Variants in PAG1 observed in about 807,000 individuals in gnomAD.
PAG1 encodes the protein phosphoprotein associated with glycosphingolipid-enriched microdomains 1.
In PAG1, 23 loss-of-function variants were observed where a neutral mutation model predicts 31.7. The ratio of observed to expected loss-of-function variants is 0.73; its 90% CI spans 0.52 to 1.03. The LOEUF (loss-of-function observed/expected upper bound fraction) is 1.03. PAG1 is among the 50% of genes least tolerant of loss of function. The probability of loss-of-function intolerance (pLI) is 0.00; values close to 1 mark genes in which losing one functional copy is unlikely to be tolerated. For missense variants in PAG1, 473 were observed against 540.7 expected (o/e 0.87, Z 1.24); for synonymous variants, 214 against 210.3 (o/e 1.02, Z -0.15).
At chr8:81,093,957 T>C (rs1809487408) in intron 1 of PAG1, among the ~76,000 whole-genome samples, 1 of 152,126 alleles carries the variant, frequency 6.6e-6, no homozygotes, top group African/African-American at 2.4e-5. Flanking sequence ...CATCACTTCC[T>C]GGCATCTCAT....
At chr8:81,046,900 T>A (rs1808651472) in intron 2 of PAG1, among the ~76,000 whole-genome samples, 1 of 152,172 alleles carries the variant, frequency 6.6e-6, no homozygotes. Flanking sequence ...TGTATCCATG[T>A]GTTCTTATTA....
At chr8:81,028,911 G>A (rs1808330496) in intron 3 of PAG1, among the ~76,000 whole-genome samples, 1 of 152,208 alleles carries the variant, frequency 6.6e-6, no homozygotes, top group Non-Finnish European at 1.5e-5. Context: ...GATGAGGACC[G>A]AGGAGGAAAA....
intron 1 of PAG1, among the ~76,000 whole-genome samples, chr8:81,103,271 T>A (rs1329412674): frequency 6.6e-6 from 1 of 152,144 alleles, no homozygotes; most frequent in East Asian, 1.9e-4. Context: ...CTACTGTTGG[T>A]GCTTTGAGCA....
chr8:81,074,233 T>C (rs540167581), intron 1 of PAG1, among the ~76,000 whole-genome samples: 2 of 152,216 alleles, frequency 1.3e-5, no homozygotes, highest in East Asian at 3.9e-4. Context: ...TGATGTGTGT[T>C]CCTTCAGCCG....
chr8:80,980,027 C>T (rs970385605), intron 8 of PAG1, among the ~76,000 whole-genome samples: 5 of 152,188 alleles, frequency 3.3e-5, no homozygotes, highest in African/African-American at 1.2e-4. Context: ...CTCTTTCTGT[C>T]TCCCAGGCTG....
At chr8:81,097,441 A>C (rs1232682023) in intron 1 of PAG1, among the ~76,000 whole-genome samples, 1 of 152,228 alleles carries the variant, frequency 6.6e-6, no homozygotes, top group African/African-American at 2.4e-5. Flanking sequence ...AGGCAGGTGC[A>C]GTACCAAGGC....
intron 1 of PAG1, among the ~76,000 whole-genome samples, chr8:81,099,048 T>A (rs1248820827): frequency 1.3e-5 from 2 of 152,252 alleles, no homozygotes; most frequent in Non-Finnish European, 2.9e-5. Flanking sequence ...GACATGTGGT[T>A]AGTTTTTCTC....
At chr8:81,007,099 T>C (rs2130637422) in intron 3 of PAG1, among the ~76,000 whole-genome samples, 1 of 152,132 alleles carries the variant, frequency 6.6e-6, no homozygotes, top group East Asian at 1.9e-4. Flanking sequence ...CTGGAAAGGG[T>C]ATTTTAAAGG....
At chr8:80,997,168 G>A (rs1807691697) in intron 3 of PAG1, among the ~76,000 whole-genome samples, 3 of 152,290 alleles carry the variant, frequency 2.0e-5, no homozygotes, top group South Asian at 4.2e-4. Flanking sequence ...GCCATTTGGA[G>A]GAGCATCCCC....
chr8:80,978,267 T>A (rs866412226), intron 8 of PAG1, among the ~76,000 whole-genome samples: 3 of 152,178 alleles, frequency 2.0e-5, no homozygotes, highest in African/African-American at 7.2e-5. Context: ...TATGAAATGA[T>A]TAACATTCTC....
chr8:81,010,140 A>C (rs551198149), intron 3 of PAG1, among the ~76,000 whole-genome samples: 9 of 152,340 alleles, frequency 5.9e-5, no homozygotes, highest in African/African-American at 2.2e-4. Flanking sequence ...ACATGTCATA[A>C]TCAGGATGTG....
At chr8:81,080,324 T>C (rs1809245411) in intron 1 of PAG1, among the ~76,000 whole-genome samples, 1 of 152,138 alleles carries the variant, frequency 6.6e-6, no homozygotes, top group Non-Finnish European at 1.5e-5. Flanking sequence ...CAACTGCAAA[T>C]CCACTAATAA....
intron 2 of PAG1, among the ~76,000 whole-genome samples, chr8:81,056,912 T>C (rs546755751): frequency 1.3e-5 from 2 of 152,184 alleles, no homozygotes; most frequent in East Asian, 3.9e-4. Flanking sequence ...GGGCAAAGGA[T>C]ATGAACAGAC....
chr8:81,001,216 TCTGCTGGGCTA>T (rs1807779192), intron 3 of PAG1, among the ~76,000 whole-genome samples: 1 of 152,262 alleles, frequency 6.6e-6, no homozygotes, highest in South Asian at 2.1e-4. Flanking sequence ...AAGTGTCTCC[TCTGCTGGGCTA>T]AGCCCCAGGA....
chr8:80,980,284 T>C (rs1807271700), intron 8 of PAG1, 151 bp downstream of exon 8: 4 of 589,568 alleles, frequency 6.8e-6, no homozygotes, highest in Non-Finnish European at 1.2e-5. Flanking sequence ...CAAGCCATTA[T>C]AAAACCAGCA....
chr8:81,058,229 A>G (rs1038440557), intron 2 of PAG1, among the ~76,000 whole-genome samples: 1 of 152,212 alleles, frequency 6.6e-6, no homozygotes, highest in East Asian at 1.9e-4. Context: ...GGACCTGTAG[A>G]TTCTTATAGC....
intron 1 of PAG1, among the ~76,000 whole-genome samples, chr8:81,089,505 T>C (rs1297548754): frequency 2.6e-5 from 4 of 151,928 alleles, no homozygotes; most frequent in Non-Finnish European, 4.4e-5. Context: ...GAGGTGGAGC[T>C]TGCAGTGAGC....
intron 3 of PAG1, among the ~76,000 whole-genome samples, chr8:81,013,172 T>C (rs1203567547): frequency 6.6e-6 from 1 of 152,238 alleles, no homozygotes; most frequent in Non-Finnish European, 1.5e-5. Context: ...GGATATTGGC[T>C]CCTCTCCCTA....
intron 2 of PAG1, among the ~76,000 whole-genome samples, chr8:81,041,058 C>T (rs1426552808): frequency 6.6e-6 from 1 of 152,200 alleles, no homozygotes; most frequent in Non-Finnish European, 1.5e-5. Flanking sequence ...GCAGTTTCCA[C>T]ATCGATCTGC....
Sources: gnomAD v4.1 joint callset for allele counts (sites outside exome capture counted in the v4.1 genomes callset) on GRCh38, gnomAD v4.1.1 for gene constraint, MANE v1.5 for transcripts, NCBI Gene and HGNC (gene_info 2026-07-23, HGNC 2026-07-21) for gene names.